GRID2: variants seen among roughly 807,000 people sequenced by gnomAD.
The protein encoded by GRID2 is glutamate ionotropic receptor delta type subunit 2, also known as glutamate receptor ionotropic, delta-2.
GRID2 carries 33 observed loss-of-function variants against 114.8 expected under a neutral mutation model. The ratio of observed to expected loss-of-function variants is 0.29; its 90% CI spans 0.22 to 0.38. The LOEUF (loss-of-function observed/expected upper bound fraction) is 0.38, where lower values mean the gene tolerates loss of function less well. GRID2 is among the 10% of genes least tolerant of loss of function. The pLI, the probability that GRID2 is intolerant of heterozygous loss-of-function variation, is 1.00. For missense variants in GRID2, 1,184 were observed against 1,257.7 expected (o/e 0.94, Z 0.89); for synonymous variants, 505 against 449.9 (o/e 1.12, Z -1.55).
At chr4:92,946,460 C>T (rs1252756784) in intron 2 of GRID2, among the ~76,000 whole-genome samples, 1 of 151,984 alleles carries the variant, frequency 6.6e-6, no homozygotes, top group Non-Finnish European at 1.5e-5. Context: ...TCTGAAGTAG[C>T]TTATTCACAT....
At chr4:92,397,213 A>G (rs1257957315) in intron 1 of GRID2, among the ~76,000 whole-genome samples, 2 of 152,088 alleles carry the variant, frequency 1.3e-5, no homozygotes, top group Admixed American at 1.3e-4. Flanking sequence ...CAAATATTTT[A>G]TATAAATTAC....
At chr4:92,413,731 GT>G (rs1731449634) in intron 1 of GRID2, among the ~76,000 whole-genome samples, 1 of 152,044 alleles carries the variant, frequency 6.6e-6, no homozygotes, top group Non-Finnish European at 1.5e-5. Context: ...AGAAATGACT[GT>G]TTATTGTGTT....
At chr4:92,802,608 G>C (rs1367723677) in intron 2 of GRID2, among the ~76,000 whole-genome samples, 1 of 151,822 alleles carries the variant, frequency 6.6e-6, no homozygotes, top group Non-Finnish European at 1.5e-5. Context: ...AAGTAATTCT[G>C]TTTCTACTGC....
At chr4:93,457,959 T>C (rs1442912954) in intron 11 of GRID2, among the ~76,000 whole-genome samples, 1 of 139,824 alleles carries the variant, frequency 7.2e-6, no homozygotes, top group African/African-American at 2.5e-5. Flanking sequence ...AAGAGACATC[T>C]GGACTTAATA....
intron 2 of GRID2, among the ~76,000 whole-genome samples, chr4:92,653,194 G>T (rs62309199): frequency 0.075 from 11,164 of 149,380 alleles, 510 homozygotes; most frequent in East Asian, 0.17. Context: ...GAGATGGGGT[G>T]TCACCATCTT....
chr4:92,649,254 T>TCTATAAGCTATAAG (rs1314880907), intron 2 of GRID2, among the ~76,000 whole-genome samples: 5 of 144,464 alleles, frequency 3.5e-5, no homozygotes, highest in Non-Finnish European at 6.1e-5. Context: ...CAGTTTACCA[T>TCTATAAGCTATAAG]CTATAAGCTA....
intron 4 of GRID2, among the ~76,000 whole-genome samples, chr4:93,163,397 T>TATATAC (rs1553999497): frequency 2.5e-5 from 1 of 40,586 alleles, no homozygotes; most frequent in Non-Finnish European, 4.8e-5. Flanking sequence ...TATATATATA[T>TATATAC]ATACACTATA....
At chr4:92,916,792 C>T (rs1218259308) in intron 2 of GRID2, among the ~76,000 whole-genome samples, 1 of 152,090 alleles carries the variant, frequency 6.6e-6, no homozygotes, top group South Asian at 2.1e-4. Context: ...CCAAGTTTTG[C>T]TGTTGTGAAT....
chr4:93,231,403 A>AAAG (rs1554013656), intron 7 of GRID2, among the ~76,000 whole-genome samples: 1 of 151,680 alleles, frequency 6.6e-6, no homozygotes, highest in Admixed American at 6.6e-5. Flanking sequence ...AAAAAAAAAA[A>AAAG]AAAGAAATTT....
intron 1 of GRID2, among the ~76,000 whole-genome samples, chr4:92,549,177 A>C (rs2149170998): frequency 6.6e-6 from 1 of 151,744 alleles, no homozygotes; most frequent in East Asian, 1.9e-4. Flanking sequence ...GATGAGCTTT[A>C]ATGAGAAAAT....
At chr4:93,237,186 T>A (rs1314974679) in intron 7 of GRID2, among the ~76,000 whole-genome samples, 1 of 151,938 alleles carries the variant, frequency 6.6e-6, no homozygotes, top group African/African-American at 2.4e-5. Flanking sequence ...TCCACTAGGA[T>A]TTTTATTAAT....
intron 13 of GRID2, among the ~76,000 whole-genome samples, chr4:93,560,222 TAAAAA>T (rs70942974): frequency 0.26 from 10,984 of 42,128 alleles, 119 homozygotes; most frequent in Middle Eastern, 0.35. Context: ...GAACTTAAAG[TAAAAA>T]AAAAAAAAAA....
intron 8 of GRID2, among the ~76,000 whole-genome samples, chr4:93,274,826 A>AT (rs1037426968): frequency 2.0e-5 from 3 of 151,874 alleles, no homozygotes; most frequent in Non-Finnish European, 2.9e-5. Flanking sequence ...TAGTCTCTGA[A>AT]TTTTTTTTGT....
At chr4:92,458,799 T>C (rs147724292) in intron 1 of GRID2, among the ~76,000 whole-genome samples, 48 of 152,280 alleles carry the variant, frequency 3.2e-4, no homozygotes, top group African/African-American at 1.1e-3. Flanking sequence ...AATTTAAAGG[T>C]GTCAGAGTTC....
chr4:92,741,873 C>T (rs1047305080), intron 2 of GRID2, among the ~76,000 whole-genome samples: 1 of 152,096 alleles, frequency 6.6e-6, no homozygotes, highest in African/African-American at 2.4e-5. Context: ...TATCCACTAC[C>T]AGCCCTTACA....
At chr4:92,703,617 TTATA>T (rs3971001) in intron 2 of GRID2, among the ~76,000 whole-genome samples, 8,579 of 140,816 alleles carry the variant, frequency 0.061, 285 homozygotes, top group East Asian at 0.11. Flanking sequence ...AGGAAAAACA[TTATA>T]TATATATATA....
chr4:93,576,990 A>T (rs1736487356), intron 13 of GRID2, among the ~76,000 whole-genome samples: 1 of 152,212 alleles, frequency 6.6e-6, no homozygotes, highest in Non-Finnish European at 1.5e-5. Flanking sequence ...GTTTAGAAGT[A>T]TATTCAAATT....
chr4:93,050,899 T>G, intron 2 of GRID2, among the ~76,000 whole-genome samples: 1 of 152,060 alleles, frequency 6.6e-6, no homozygotes, highest in East Asian at 1.9e-4. Flanking sequence ...TGCAGCATTT[T>G]AATTGTATTT....
chr4:92,384,433 A>AATATATATATAT (rs372161362), intron 1 of GRID2, among the ~76,000 whole-genome samples: 2 of 30,264 alleles, frequency 6.6e-5, no homozygotes, highest in Admixed American at 3.9e-4. Context: ...TGTGTGTAGG[A>AATATATATATAT]ATATATATAT....
Sources: allele counts gnomAD v4.1 joint callset (sites outside exome capture counted in the v4.1 genomes callset), GRCh38; gene constraint gnomAD v4.1.1; transcripts MANE v1.5; gene names NCBI Gene and HGNC (gene_info 2026-07-23, HGNC 2026-07-21).